SERPINB8: variants seen among roughly 807,000 people sequenced by gnomAD.
SERPINB8 encodes serpin B8.
In SERPINB8, 25 loss-of-function variants were observed where a neutral mutation model predicts 35.3. The observed-to-expected ratio is 0.71, with a 90% CI of 0.52 to 0.99. SERPINB8 has a LOEUF of 0.99. SERPINB8 is among the 50% of genes least tolerant of loss of function. The pLI is 0.00. For synonymous variants in SERPINB8, 186 were observed against 160.8 expected, an observed-to-expected ratio of 1.16 and a Z score of -1.19; for missense variants, 484 against 446.5, an observed-to-expected ratio of 1.08 and a Z score of -0.76.
At chr18:63,972,836 C>A (rs2050511185) in intron 1 of SERPINB8, among the ~76,000 whole-genome samples, 1 of 152,104 alleles carries the variant, frequency 6.6e-6, no homozygotes, top group Admixed American at 6.6e-5. Flanking sequence ...TTTTTTATGG[C>A]TGCATAGTAT....
chr18:63,987,565 A>G lies in SERPINB8; in HGVS notation c.*287A>G, dbSNP rs1002415090. The G allele has an allele frequency of 1.7e-5, 6 of 360,174 alleles. No homozygotes were observed. The highest frequency in any genetic ancestry group is 3.0e-5 in the Non-Finnish European group (6 of 199,170). 22.3% of individuals were successfully genotyped at this position (360,174 alleles called of 1,614,324 possible). ...TGTGCCCATTGTTTCAGGGGATCTT[A>G]TGGAGCATCTCAGGGCTTCAGGAGC... On this transcript the variant is annotated 3_prime_UTR_variant, in exon 7 of 7. Transcript: ENST00000397985.
At position 63,978,466 on chromosome 18, in the gene SERPINB8, A is replaced by T. The variant is rs1162217576; in HGVS notation, c.158A>T (p.Gln53Leu). The part of the protein sequence containing the change: ...FMGAKGSTAA[Q>L]MSQALCLYKD... ...GGGGCAAAGGGAAGCACTGCAGCCC[A>T]GATGTCCCAGGTATGTGTGCTTGTC... The change falls in exon 2 of 7, where the codon CAG becomes CTG. Residue 53 changes from glutamine to leucine, a missense_variant. Coordinates refer to ENST00000397985, the MANE Select transcript of SERPINB8 (RefSeq NM_002640.4). 6.2e-7 allele frequency: 1 copy of T among 1,614,192 alleles called. No individual in the cohort carries two copies. The highest frequency in any genetic ancestry group is 1.7e-5 in the Admixed American group (1 of 60,018).
intron 3 of SERPINB8, 146 bp from the exon 4 acceptor site, chr18:63,981,575 T>G (rs1440302197): frequency 7.9e-6 from 5 of 629,024 alleles, no homozygotes; most frequent in African/African-American, 1.8e-5. Flanking sequence ...CCCATACATT[T>G]TTGTTAATTG....
At chr18:63,982,821 C>T (rs2050692875) in intron 4 of SERPINB8, among the ~76,000 whole-genome samples, 1 of 152,058 alleles carries the variant, frequency 6.6e-6, no homozygotes. Context: ...ACATTTCCCC[C>T]AGAATATTAG....
intron 1 of SERPINB8, among the ~76,000 whole-genome samples, chr18:63,973,419 A>G (rs1254122375): frequency 6.6e-6 from 1 of 152,054 alleles, no homozygotes; most frequent in Admixed American, 6.5e-5. Context: ...AGATTGCAAA[A>G]ATTTTCTCCC....
intron 1 of SERPINB8, among the ~76,000 whole-genome samples, chr18:63,974,143 A>ATTAT (rs914815374): frequency 3.3e-5 from 5 of 152,018 alleles, no homozygotes; most frequent in African/African-American, 9.7e-5. Context: ...TTTTCTTCTT[A>ATTAT]TTATTTATTT....
At chr18:63,980,926 G>A (rs1568273058) in intron 3 of SERPINB8, among the ~76,000 whole-genome samples, 1 of 152,186 alleles carries the variant, frequency 6.6e-6, no homozygotes, top group Non-Finnish European at 1.5e-5. Flanking sequence ...AATGTGTTGG[G>A]TACAGGACTT....
downstream of SERPINB8, among the ~76,000 whole-genome samples, chr18:64,007,289 A>G (rs563189212): frequency 6.6e-5 from 10 of 152,256 alleles, no homozygotes; most frequent in African/African-American, 2.4e-4. Flanking sequence ...GAAAAAAACA[A>G]CCTGAATGAG....
intron 1 of SERPINB8, among the ~76,000 whole-genome samples, chr18:63,975,983 T>G (rs2050575530): frequency 6.6e-6 from 1 of 152,230 alleles, no homozygotes; most frequent in South Asian, 2.1e-4. Flanking sequence ...GGAAACTGGA[T>G]GAGGCTCCAT....
downstream of SERPINB8, among the ~76,000 whole-genome samples, chr18:63,994,323 T>C (rs540842481): frequency 6.6e-6 from 1 of 152,172 alleles, no homozygotes; most frequent in Non-Finnish European, 1.5e-5. Context: ...CTCACATACA[T>C]GCCCCCTCTC....
intron 1 of SERPINB8, among the ~76,000 whole-genome samples, chr18:63,998,618 C>T (rs2050860807): frequency 6.6e-6 from 1 of 152,178 alleles, no homozygotes; most frequent in African/African-American, 2.4e-5. Flanking sequence ...CTGTCTCTTT[C>T]CCTCAGTTGC....
chr18:64,012,411 A>C (rs2050929842), intron 7 of SERPINB8, among the ~76,000 whole-genome samples: 1 of 152,042 alleles, frequency 6.6e-6, no homozygotes, highest in African/African-American at 2.4e-5. Context: ...CTCTGAATTG[A>C]TCTTTTACAT....
chr18:64,003,818 G>A (rs1223676559), intron 1 of SERPINB8, among the ~76,000 whole-genome samples: 1 of 151,936 alleles, frequency 6.6e-6, no homozygotes, highest in Non-Finnish European at 1.5e-5. Context: ...ACTGGAGGGG[G>A]GCCACCCACA....
Position 63,978,439 on chromosome 18 carries a change from TG to T in SERPINB8, c.136del (p.Ala46GlnfsTer87), listed in dbSNP as rs2050618183. 1.2e-5 allele frequency: 19 copies of T among 1,614,068 alleles called. No homozygotes were observed. The East Asian group carries it at 4.2e-4, about 36-fold the overall frequency. ...TCCTCTGCCCTGGCCATGGTCTTCA[TG>T]GGGGCAAAGGGAAGCACTGCAGCCC... ...SISSALAMVFMGAKGSTAAQM... is the reference protein window; with the variant it reads ...SISSALAMVFXGAKGSTAAQM... On this transcript the variant is annotated frameshift_variant, in exon 2 of 7. Coordinates refer to ENST00000397985, the MANE Select transcript of SERPINB8 (RefSeq NM_002640.4). LOFTEE classifies it high-confidence loss of function.
At chr18:63,972,839 C>T (rs1234746412) in intron 1 of SERPINB8, among the ~76,000 whole-genome samples, 1 of 152,106 alleles carries the variant, frequency 6.6e-6, no homozygotes, top group Non-Finnish European at 1.5e-5. Flanking sequence ...TTTATGGCTG[C>T]ATAGTATTCC....
At chr18:63,973,867 C>T (rs1272268890) in intron 1 of SERPINB8, among the ~76,000 whole-genome samples, 2 of 152,186 alleles carry the variant, frequency 1.3e-5, no homozygotes, top group Non-Finnish European at 2.9e-5. Flanking sequence ...GGTACCAGTA[C>T]CATGCTGTTT....
chr18:63,981,596 C>A, intron 3 of SERPINB8, 125 bp from the exon 4 acceptor site: 1 of 687,694 alleles, frequency 1.5e-6, no homozygotes, highest in South Asian at 1.7e-5. Context: ...CACGCATGCA[C>A]CTTGAAGTGG....
chr18:64,013,961 C>G (rs1407933685), intron 7 of SERPINB8, among the ~76,000 whole-genome samples: 2 of 152,168 alleles, frequency 1.3e-5, no homozygotes, highest in African/African-American at 4.8e-5. Context: ...AGGAAAAAGA[C>G]TTATATTCAT....
At position 63,987,127 on chromosome 18, in the gene SERPINB8, G is replaced by A. The variant is rs2050771022; in HGVS notation, c.974G>A (p.Gly325Asp). The A allele has an allele frequency of 1.2e-6, 2 of 1,614,078 alleles. No individual in the cohort carries two copies. The highest frequency in any genetic ancestry group is 3.3e-5 in the Admixed American group (2 of 60,004). The change falls in exon 7 of 7, where the codon GGC becomes GAC. Residue 325 changes from glycine (G) to aspartate (D), a missense_variant. By Grantham distance (94) the Gly-to-Asp change is moderately conservative. Transcript: ENST00000397985. The part of the protein sequence containing the change: ...HKCFVEVNEE[G>D]TEAAAATAVV... ...TGCTTCGTGGAGGTCAATGAGGAAG[G>A]CACAGAGGCTGCCGCAGCCACTGCT...
Sources: gnomAD v4.1 joint callset for allele counts (sites outside exome capture counted in the v4.1 genomes callset) on GRCh38, gnomAD v4.1.1 for gene constraint, MANE v1.5 for transcripts, NCBI Gene and HGNC (gene_info 2026-07-23, HGNC 2026-07-21) for gene names.